The following DYNC1I1 variants were observed in gnomAD, a reference collection of about 807,000 sequenced individuals.
The protein encoded by DYNC1I1 is dynein cytoplasmic 1 intermediate chain 1.
In DYNC1I1, 43 loss-of-function variants were observed where a neutral mutation model predicts 86.6. That is an observed-to-expected ratio of 0.50 (90% CI 0.39 to 0.64). The LOEUF is 0.64. DYNC1I1 is among the 30% of genes least tolerant of loss of function. DYNC1I1 has a pLI of 0.00. For missense variants in DYNC1I1, 604 were observed against 788.8 expected (o/e 0.77, Z 2.81); for synonymous variants, 262 against 283.7 (o/e 0.92, Z 0.77).
chr7:95,886,831 C>T (rs148576688), intron 6 of DYNC1I1, among the ~76,000 whole-genome samples: 1 of 152,302 alleles, frequency 6.6e-6, no homozygotes, highest in East Asian at 1.9e-4. Flanking sequence ...AGAGAACAAG[C>T]TGGAAACACT....
intron 1 of DYNC1I1, among the ~76,000 whole-genome samples, chr7:95,802,377 A>C (rs932567957): frequency 1.3e-5 from 2 of 152,124 alleles, no homozygotes; most frequent in African/African-American, 2.4e-5. Context: ...TTCTGTCTCC[A>C]CATTCGCCTA....
chr7:95,854,871 A>G (rs559141755), intron 5 of DYNC1I1, among the ~76,000 whole-genome samples: 23 of 152,318 alleles, frequency 1.5e-4, no homozygotes, highest in African/African-American at 5.1e-4. Context: ...TGAATTGGCT[A>G]TAGCTCAGCA....
At chr7:95,923,572 T>C (rs544011198) in intron 6 of DYNC1I1, among the ~76,000 whole-genome samples, 8 of 152,230 alleles carry the variant, frequency 5.3e-5, no homozygotes, top group African/African-American at 1.9e-4. Flanking sequence ...AAAATATTAT[T>C]ATTATTACTA....
At chr7:95,979,873 A>T (rs1215372278) in intron 7 of DYNC1I1, among the ~76,000 whole-genome samples, 3 of 151,582 alleles carry the variant, frequency 2.0e-5, no homozygotes, top group Non-Finnish European at 2.9e-5. Context: ...AACGTCTTTT[A>T]AAAAAAAAGT....
At chr7:95,902,936 CTA>C (rs1791078875) in intron 6 of DYNC1I1, among the ~76,000 whole-genome samples, 1 of 152,160 alleles carries the variant, frequency 6.6e-6, no homozygotes, top group South Asian at 2.1e-4. Flanking sequence ...AGTATGAAAG[CTA>C]TCTTTCTAGT....
chr7:95,829,753 C>A (rs1795280764), intron 5 of DYNC1I1, among the ~76,000 whole-genome samples: 1 of 152,118 alleles, frequency 6.6e-6, no homozygotes, highest in African/African-American at 2.4e-5. Flanking sequence ...ACCCACCTTA[C>A]CTGCTGCATT....
chr7:95,797,548 C>T (rs1364657647), intron 1 of DYNC1I1, among the ~76,000 whole-genome samples: 1 of 152,110 alleles, frequency 6.6e-6, no homozygotes, highest in Non-Finnish European at 1.5e-5. Context: ...TTACATTTTC[C>T]AAGTAACCTA....
rs1445931912 is a variant in DYNC1I1, at chr7:96,063,912, C to T, written c.1510-12145C>T. Among the ~76,000 whole-genome samples, 4 of 152,304 alleles carry T rather than the reference C, an allele frequency of 2.6e-5. No homozygotes were observed. The East Asian group carries it at 5.8e-4, about 22-fold the overall frequency. Reference sequence around the variant, plus strand: ...AATCCTTATATTGAAGGGCTCCAGTCTCTCCAAGGCTGAATCCCAGAGGCA... The same window carrying T: ...AATCCTTATATTGAAGGGCTCCAGTTTCTCCAAGGCTGAATCCCAGAGGCA... On this transcript the variant is annotated intron_variant, in intron 14 of 16. Transcript: ENST00000447467.
At chr7:95,815,464 C>G (rs1003497496) in intron 4 of DYNC1I1, among the ~76,000 whole-genome samples, 3 of 152,158 alleles carry the variant, frequency 2.0e-5, no homozygotes. Flanking sequence ...GAGGAGAACA[C>G]ATTAAGAATG....
intron 10 of DYNC1I1, among the ~76,000 whole-genome samples, chr7:96,018,336 A>G (rs1472590202): frequency 6.6e-6 from 1 of 152,216 alleles, no homozygotes; most frequent in African/African-American, 2.4e-5. Flanking sequence ...CTGTGGTTCA[A>G]ATCTGGACTT....
chr7:95,842,162 T>G (rs1789301159), intron 5 of DYNC1I1, among the ~76,000 whole-genome samples: 1 of 152,150 alleles, frequency 6.6e-6, no homozygotes. Flanking sequence ...TGTCTCAGCT[T>G]TTCTTACTGT....
intron 6 of DYNC1I1, among the ~76,000 whole-genome samples, chr7:95,976,992 A>G (rs1269597931): frequency 6.6e-6 from 1 of 152,162 alleles, no homozygotes; most frequent in Non-Finnish European, 1.5e-5. Flanking sequence ...GACCAATGGC[A>G]TTGACTTTGG....
chr7:95,946,918 C>G (rs1398382068), intron 6 of DYNC1I1, among the ~76,000 whole-genome samples: 2 of 152,070 alleles, frequency 1.3e-5, no homozygotes, highest in African/African-American at 4.8e-5. Context: ...GGAGAGTGCT[C>G]TCTGGCATAG....
At chr7:95,874,794 T>G (rs2116191974) in intron 6 of DYNC1I1, among the ~76,000 whole-genome samples, 1 of 152,364 alleles carries the variant, frequency 6.6e-6, no homozygotes, top group Non-Finnish European at 1.5e-5. Context: ...GATCTTGGAC[T>G]TCCCAGCTTC....
chr7:96,026,119 T>G (rs947335173), intron 10 of DYNC1I1, among the ~76,000 whole-genome samples: 2 of 152,224 alleles, frequency 1.3e-5, no homozygotes, highest in African/African-American at 4.8e-5. Context: ...TATTTTCTTT[T>G]TCTTTAATTC....
At chr7:96,093,870 T>C (rs569741924) in intron 16 of DYNC1I1, among the ~76,000 whole-genome samples, 1 of 152,350 alleles carries the variant, frequency 6.6e-6, no homozygotes, top group African/African-American at 2.4e-5. Context: ...TTGGAAATTA[T>C]TCTAAGCTAT....
intron 1 of DYNC1I1, among the ~76,000 whole-genome samples, chr7:95,783,492 A>G (rs1021937085): frequency 2.0e-5 from 3 of 152,196 alleles, no homozygotes; most frequent in East Asian, 3.9e-4. Flanking sequence ...ATTACCTACA[A>G]TGTGGTTATA....
At chr7:95,825,497 G>A (rs977439254) in intron 4 of DYNC1I1, among the ~76,000 whole-genome samples, 9 of 152,170 alleles carry the variant, frequency 5.9e-5, no homozygotes, top group African/African-American at 1.9e-4. Flanking sequence ...TATGTGAACA[G>A]CAAATATGAA....
chr7:95,785,782 T>C (rs1404251023), intron 1 of DYNC1I1, among the ~76,000 whole-genome samples: 2 of 18,760 alleles, frequency 1.1e-4, no homozygotes, highest in Non-Finnish European at 1.6e-4. Flanking sequence ...TGTGTATATA[T>C]ATATATATAT....
Sources: gnomAD v4.1 joint callset for allele counts (sites outside exome capture counted in the v4.1 genomes callset) on GRCh38, gnomAD v4.1.1 for gene constraint, MANE v1.5 for transcripts, NCBI Gene and HGNC (gene_info 2026-07-23, HGNC 2026-07-21) for gene names.